The following HYDIN variants were observed in gnomAD, a reference collection of about 807,000 sequenced individuals.
The protein encoded by HYDIN is axonemal central pair apparatus protein HYDIN.
HYDIN carries 132 observed loss-of-function variants against 403.9 expected under a neutral mutation model. The observed-to-expected ratio is 0.33, with a 90% CI of 0.28 to 0.38. HYDIN has a LOEUF of 0.38. Ranked by LOEUF, HYDIN falls within the 10% of genes least tolerant of loss-of-function variation. The pLI, the probability that HYDIN is intolerant of heterozygous loss-of-function variation, is 1.00. For synonymous variants in HYDIN, 1,202 were observed against 1,891.7 expected (o/e 0.64, Z 9.46); for missense variants, 2,827 against 5,009.5 (o/e 0.56, Z 13.15).
At position 71,186,251 on chromosome 16, in the gene HYDIN, C is replaced by A. The variant is rs186985138; in HGVS notation, c.135+510G>T. On this transcript the variant is annotated intron_variant, in intron 2 of 85. Transcript: ENST00000393567. ...CAGCATGTGGTTCATAAATTATCAC[C>A]AATCATTATAAATAATTAAAGCTAT... Among the ~76,000 whole-genome samples the A allele has an allele frequency of 4.9e-4, 75 of 152,072 alleles. 1 individual carries two copies. The highest frequency in any genetic ancestry group is 1.7e-3 in the African/African-American group (72 of 41,508).
At chr16:70,978,790 C>T in intron 30 of HYDIN, 124 bp downstream of exon 30, 1 of 801,978 alleles carries the variant, frequency 1.2e-6, no homozygotes, top group Non-Finnish European at 1.9e-6. Flanking sequence ...CTTCTGCACA[C>T]AGTGCCCTTC....
chr16:71,164,815 T>C (rs1290704244), intron 5 of HYDIN, among the ~76,000 whole-genome samples: 212 of 138,620 alleles, frequency 1.5e-3, no homozygotes, highest in African/African-American at 5.4e-3. Flanking sequence ...GGGGAACCTT[T>C]TTCTAGTACC....
rs2035123911 is a variant in HYDIN at position 70,806,723 on chromosome 16, C to G, written c.*857G>C. Among the ~76,000 whole-genome samples, 1 of 152,154 alleles carries G rather than the reference C, an allele frequency of 6.6e-6. No individual in the cohort carries two copies. ...GGGACCCTCCGTCAGAGGTGTATGT[C>G]TGCAGAAGCAAACCCATGCCAGGGC... is the stretch of plus-strand genomic sequence containing the variant. On this transcript the variant is annotated 3_prime_UTR_variant, in exon 86 of 86. Coordinates refer to ENST00000393567, the MANE Select transcript of HYDIN (RefSeq NM_001270974.2).
In HYDIN at chr16:70,851,500, GA is replaced by G. The variant is rs1301456073; in HGVS notation, c.12444-846del. Reference sequence around the variant, plus strand: ...ATGCTTCACATTACTAATCATCAGAGAAATGCAAGTCAAAACCACAATGAGA... The same window carrying G: ...ATGCTTCACATTACTAATCATCAGAGAATGCAAGTCAAAACCACAATGAGA... On this transcript the variant is annotated intron_variant, in intron 73 of 85. Coordinates refer to ENST00000393567, the MANE Select transcript of HYDIN (RefSeq NM_001270974.2). 6.1e-5 allele frequency among the ~76,000 whole-genome samples: 9 copies of G among 148,194 alleles called. 1 individual carries two copies. The highest frequency in any genetic ancestry group is 2.4e-4 in the African/African-American group (9 of 37,782).
At chr16:70,823,808 C>T (rs1274803479) in intron 83 of HYDIN, among the ~76,000 whole-genome samples, 3 of 147,600 alleles carry the variant, frequency 2.0e-5, no homozygotes, top group Non-Finnish European at 3.0e-5. Context: ...TGGTGTCCTA[C>T]CCTGTAGAGA....
At chr16:70,861,541 T>TCCACCA (rs995212477) in intron 69 of HYDIN, among the ~76,000 whole-genome samples, 1 of 146,866 alleles carries the variant, frequency 6.8e-6, no homozygotes, top group Non-Finnish European at 1.5e-5. Flanking sequence ...GTCCACCAAC[T>TCCACCA]CCACCACCAC....
At chr16:70,908,578 C>T in intron 48 of HYDIN, 75 bp downstream of exon 48, 6 of 1,503,164 alleles carry the variant, frequency 4.0e-6, no homozygotes, top group Non-Finnish European at 5.4e-6. Flanking sequence ...CTGTTCCCCT[C>T]CAGTGCTGTG....
chr16:71,116,947 T>C (rs1476849464), intron 9 of HYDIN, among the ~76,000 whole-genome samples: 2 of 152,018 alleles, frequency 1.3e-5, no homozygotes, highest in Non-Finnish European at 2.9e-5. Context: ...GTGTGGGCTG[T>C]GACTGCAGGG....
chr16:71,178,703 T>C (rs941443491), intron 4 of HYDIN, among the ~76,000 whole-genome samples: 3 of 152,122 alleles, frequency 2.0e-5, no homozygotes, highest in Admixed American at 1.3e-4. Context: ...AGTGCACACG[T>C]TGGGAGTTCA....
At chr16:70,868,000 A>C (rs964693064) in intron 66 of HYDIN, among the ~76,000 whole-genome samples, 5 of 152,198 alleles carry the variant, frequency 3.3e-5, no homozygotes, top group African/African-American at 1.2e-4. Context: ...TAGGTTAAAA[A>C]AAGAACAAAA....
intron 29 of HYDIN, among the ~76,000 whole-genome samples, chr16:70,979,702 C>A (rs1435778350): frequency 1.3e-5 from 2 of 152,232 alleles, no homozygotes; most frequent in African/African-American, 4.8e-5. Context: ...AGGTTGAGGG[C>A]GGGCAGATTG....
At chr16:70,914,644 A>G (rs1040371749) in intron 47 of HYDIN, among the ~76,000 whole-genome samples, 1 of 118,102 alleles carries the variant, frequency 8.5e-6, no homozygotes, top group Non-Finnish European at 1.8e-5. Flanking sequence ...TGAATTTTCC[A>G]GGTGTTCTTT....
At position 70,803,023 on chromosome 16, in the gene HYDIN, A is replaced by G. The variant is rs181988770; in HGVS notation, c.*4557T>C. ...GGGAATGATTTGGTTCTATTTCTCC[A>G]ATGTGTGTGCATTTCCACGGGACGC... On this transcript the variant is annotated 3_prime_UTR_variant, in exon 86 of 86. Transcript: ENST00000393567. Among the ~76,000 whole-genome samples, 24 of 152,308 alleles carry G rather than the reference A, an allele frequency of 1.6e-4. No individual in the cohort carries two copies. In the East Asian group the frequency reaches 3.3e-3, roughly 21 times the overall value.
intron 1 of HYDIN, among the ~76,000 whole-genome samples, chr16:71,195,857 C>G (rs1363054732): frequency 6.6e-6 from 1 of 152,102 alleles, no homozygotes; most frequent in East Asian, 1.9e-4. Flanking sequence ...TTTCCAAAGC[C>G]TCAAATTACA....
At chr16:70,812,698 G>A (rs1200581301) in intron 84 of HYDIN, among the ~76,000 whole-genome samples, 4 of 152,176 alleles carry the variant, frequency 2.6e-5, no homozygotes, top group Non-Finnish European at 4.4e-5. Context: ...AAATGCTATT[G>A]AGAGAAATTA....
In HYDIN at chr16:70,818,501, GCCTGAAGGGATGAC is replaced by G. The variant is rs2035998755; in HGVS notation, c.14485_14498del (p.Val4829HisfsTer59). The G allele has an allele frequency of 6.9e-7, 1 of 1,451,854 alleles. No individual in the cohort carries two copies. The highest frequency in any genetic ancestry group is 9.5e-7 in the Non-Finnish European group (1 of 1,049,828). 89.9% of individuals were successfully genotyped at this position (1,451,854 alleles called of 1,614,324 possible). On this transcript the variant is annotated frameshift_variant, in exon 84 of 86. Coordinates refer to ENST00000393567, the MANE Select transcript of HYDIN (RefSeq NM_001270974.2). LOFTEE classifies it high-confidence loss of function. ...TCACCATCTCGATGGTTTTGATGAT[GCCTGAAGGGATGAC>G]CCTGAAACTCACATTGTAGTACAAG...
intron 9 of HYDIN, among the ~76,000 whole-genome samples, chr16:71,119,907 G>A (rs2084191358): frequency 6.6e-6 from 1 of 151,634 alleles, no homozygotes; most frequent in Non-Finnish European, 1.5e-5. Flanking sequence ...TAACACTTCT[G>A]AAATTAAATT....
intron 5 of HYDIN, among the ~76,000 whole-genome samples, chr16:71,170,384 C>T (rs140259264): frequency 2.7e-3 from 411 of 152,192 alleles, no homozygotes; most frequent in African/African-American, 9.5e-3. Flanking sequence ...TTTTGTGCCT[C>T]TTGATATAAT....
chr16:71,025,818 C>A (rs1210034743), intron 20 of HYDIN, among the ~76,000 whole-genome samples: 3 of 151,726 alleles, frequency 2.0e-5, no homozygotes, highest in Non-Finnish European at 4.4e-5. Context: ...CAGATAAAAT[C>A]TTTCATGGGG....
Sources: allele counts gnomAD v4.1 joint callset (sites outside exome capture counted in the v4.1 genomes callset), GRCh38; gene constraint gnomAD v4.1.1; transcripts MANE v1.5; gene names NCBI Gene and HGNC (gene_info 2026-07-23, HGNC 2026-07-21).